CBLB: variants seen among roughly 807,000 people sequenced by gnomAD.
CBLB encodes the protein Cbl proto-oncogene B.
In CBLB, 31 loss-of-function variants were observed where a neutral mutation model predicts 104.9. The observed-to-expected ratio is 0.30, with a 90% CI of 0.22 to 0.40. The LOEUF (loss-of-function observed/expected upper bound fraction) is 0.40. Ranked by LOEUF, CBLB falls within the 10% of genes least tolerant of loss-of-function variation. CBLB has a pLI of 1.00. For synonymous variants in CBLB, 440 were observed against 422.6 expected, an observed-to-expected ratio of 1.04 and a Z score of -0.51; for missense variants, 1,062 against 1,214.6, an observed-to-expected ratio of 0.87 and a Z score of 1.87.
Position 105,755,679 on chromosome 3 carries a change from G to C in CBLB, c.567-4061C>G, listed in dbSNP as rs2077024598. Among the ~76,000 whole-genome samples the C allele has an allele frequency of 3.9e-5, 6 of 152,224 alleles. No individual in the cohort carries two copies. The South Asian group carries it at 1.2e-3, about 32-fold the overall frequency. On this transcript the variant is annotated intron_variant, in intron 4 of 18. Coordinates refer to ENST00000394030, the MANE Select transcript of CBLB (RefSeq NM_170662.5). Reference sequence around the variant, plus strand: ...TTCTGTATACTACTGGTGTGAATGAGAATTTACACAGCACTTCTAGAAGGC... The same window carrying C: ...TTCTGTATACTACTGGTGTGAATGACAATTTACACAGCACTTCTAGAAGGC...
At chr3:105,671,493 A>G (rs2065054515) in intron 17 of CBLB, 2 of 214,414 alleles carry the variant, frequency 9.3e-6, no homozygotes, top group Non-Finnish European at 1.9e-5. Context: ...ACAAATTCAG[A>G]TTGTTCACAA....
At chr3:105,792,382 G>A (rs1161176091) in intron 3 of CBLB, among the ~76,000 whole-genome samples, 1 of 152,182 alleles carries the variant, frequency 6.6e-6, no homozygotes, top group East Asian at 1.9e-4. Flanking sequence ...CTACTGGACT[G>A]GAGCATCATT....
At chr3:105,659,275 A>C (rs200666238) in intron 18 of CBLB, 46 bp from the exon 19 acceptor site, 8 of 1,534,876 alleles carry the variant, frequency 5.2e-6, no homozygotes, top group Non-Finnish European at 7.2e-6. Context: ...AGTGAAATAA[A>C]AATGAAGGCA....
chr3:105,832,045 T>C (rs1296309573), intron 3 of CBLB, among the ~76,000 whole-genome samples: 2 of 152,084 alleles, frequency 1.3e-5, no homozygotes, highest in Non-Finnish European at 2.9e-5. Context: ...AATTTAATTA[T>C]ATTAAATAGA....
chr3:105,829,722 TAATA>T (rs200730067), intron 3 of CBLB, among the ~76,000 whole-genome samples: 656 of 22,342 alleles, frequency 0.029, 23 homozygotes, highest in East Asian at 0.2. Flanking sequence ...GCTATCTTCA[TAATA>T]ATGGAGGAAG....
At chr3:105,867,127 T>C (rs1435114844) in intron 2 of CBLB, among the ~76,000 whole-genome samples, 1 of 152,178 alleles carries the variant, frequency 6.6e-6, no homozygotes, top group Admixed American at 6.5e-5. Context: ...AAGCATTCTA[T>C]GGCCATACAC....
intron 7 of CBLB, 66 bp downstream of exon 7, chr3:105,740,428 C>A (rs995343742): frequency 1.9e-6 from 3 of 1,568,158 alleles, no homozygotes; most frequent in Non-Finnish European, 2.6e-6. Flanking sequence ...TTCGCCATCA[C>A]AAAGCAATCT....
At chr3:105,827,247 T>C (rs1487172033) in intron 3 of CBLB, among the ~76,000 whole-genome samples, 2 of 152,126 alleles carry the variant, frequency 1.3e-5, no homozygotes, top group Non-Finnish European at 2.9e-5. Context: ...ATGACGTAAG[T>C]AACCTTCTGG....
Position 105,702,476 on chromosome 3 carries a change from G to GAAAAA in CBLB, c.1594-22_1594-18dup, listed in dbSNP as rs34208930. 3,740 of 275,250 alleles carry GAAAAA rather than the reference G, an allele frequency of 0.014. 54 individuals are homozygous for GAAAAA. The highest frequency in any genetic ancestry group is 0.031 in the Middle Eastern group (18 of 584). 17.1% of individuals were successfully genotyped at this position (275,250 alleles called of 1,614,324 possible). A position where few individuals can be genotyped will look rare whatever the true frequency, so the allele number is the denominator to read the frequency against. On this transcript the variant is annotated splice_polypyrimidine_tract_variant and intron_variant, in intron 11 of 18. Transcript: ENST00000394030. ...AGGAGAAGACTAAAGAAACAGAAGAGAAAAAAAAAAAAAAAAAAAAAAACT... is the reference window on the plus strand; with the variant it reads ...AGGAGAAGACTAAAGAAACAGAAGAGAAAAAAAAAAAAAAAAAAAAAAAAAAAACT...
intron 3 of CBLB, among the ~76,000 whole-genome samples, chr3:105,798,872 G>A (rs916149861): frequency 2.6e-5 from 4 of 152,178 alleles, no homozygotes; most frequent in Non-Finnish European, 5.9e-5. Context: ...TGAGACAGAG[G>A]GGGTCAGGCA....
At chr3:105,814,201 G>C (rs1457623863) in intron 3 of CBLB, among the ~76,000 whole-genome samples, 1 of 152,068 alleles carries the variant, frequency 6.6e-6, no homozygotes, top group East Asian at 1.9e-4. Flanking sequence ...CCCAACTAAA[G>C]CTTTTGTGTG....
At chr3:105,814,247 C>T (rs1194844413) in intron 3 of CBLB, among the ~76,000 whole-genome samples, 1 of 152,006 alleles carries the variant, frequency 6.6e-6, no homozygotes, top group East Asian at 1.9e-4. Flanking sequence ...ATAAGAAAAA[C>T]AAAATGTGAC....
At chr3:105,762,384 A>G (rs1356871806) in intron 4 of CBLB, 1 of 152,230 alleles carries the variant, frequency 6.6e-6, no homozygotes, top group African/African-American at 2.4e-5. Context: ...AGCTTCTCTC[A>G]TCACAGGCCT....
At chr3:105,804,507 C>CAAG (rs1010273167) in intron 3 of CBLB, among the ~76,000 whole-genome samples, 24 of 145,840 alleles carry the variant, frequency 1.6e-4, no homozygotes, top group African/African-American at 6.1e-4. Flanking sequence ...GGTGACAGAG[C>CAAG]AAGACTCTGT....
chr3:105,798,273 G>C (rs2082456136), intron 3 of CBLB, among the ~76,000 whole-genome samples: 1 of 152,018 alleles, frequency 6.6e-6, no homozygotes, highest in South Asian at 2.1e-4. Flanking sequence ...CTGCCCATTT[G>C]AATGTATTAC....
At chr3:105,724,055 G>C (rs1217664118) in intron 9 of CBLB, 1 of 170,702 alleles carries the variant, frequency 5.9e-6, no homozygotes, top group Admixed American at 6.4e-5. Context: ...CTATGAGGTT[G>C]CCACAAATCT....
chr3:105,686,417 C>T (rs993964326), intron 13 of CBLB, among the ~76,000 whole-genome samples: 2 of 150,908 alleles, frequency 1.3e-5, no homozygotes, highest in Non-Finnish European at 3.0e-5. Flanking sequence ...TCATCATGAA[C>T]CTCATGAGAA....
chr3:105,731,083 G>T (rs561372912), intron 9 of CBLB, among the ~76,000 whole-genome samples: 74 of 152,188 alleles, frequency 4.9e-4, no homozygotes, highest in African/African-American at 1.7e-3. Context: ...ATAATTCAAG[G>T]AATTGATAAG....
intron 12 of CBLB, among the ~76,000 whole-genome samples, chr3:105,695,816 G>T (rs2068297288): frequency 6.6e-6 from 1 of 151,480 alleles, no homozygotes; most frequent in Non-Finnish European, 1.5e-5. Flanking sequence ...GGCCACACTG[G>T]GCCTCTTTCA....
Sources: allele counts gnomAD v4.1 joint callset (sites outside exome capture counted in the v4.1 genomes callset), GRCh38; gene constraint gnomAD v4.1.1; transcripts MANE v1.5; gene names NCBI Gene and HGNC (gene_info 2026-07-23, HGNC 2026-07-21).